ARB2A: variants seen among roughly 807,000 people sequenced by gnomAD.
ARB2A encodes ARB2 cotranscriptional regulator A.
At chr5:93,652,814 C>T in the ARB2A span, among the ~76,000 whole-genome samples, 6 of 152,116 alleles carry the variant, frequency 3.9e-5, no homozygotes, top group Non-Finnish European at 7.3e-5. Context: ...TCTCCTGGGA[C>T]AGTTTTGAGG....
chr5:93,948,039 G>A, the ARB2A span, among the ~76,000 whole-genome samples: 2 of 152,112 alleles, frequency 1.3e-5, no homozygotes, highest in African/African-American at 2.4e-5. Flanking sequence ...GTAATGGGAT[G>A]GCTGGGTCAA....
chr5:93,783,224 A>G, the ARB2A span, among the ~76,000 whole-genome samples: 1 of 152,138 alleles, frequency 6.6e-6, no homozygotes, highest in Non-Finnish European at 1.5e-5. Context: ...TAACCTTACT[A>G]TTTATATAAT....
chr5:93,818,039 A>T, the ARB2A span, among the ~76,000 whole-genome samples: 1 of 152,078 alleles, frequency 6.6e-6, no homozygotes, highest in Non-Finnish European at 1.5e-5. Context: ...ATTTGAGTAG[A>T]CATTTCTCCA....
At chr5:93,783,419 T>C in the ARB2A span, among the ~76,000 whole-genome samples, 1 of 152,166 alleles carries the variant, frequency 6.6e-6, no homozygotes, top group Non-Finnish European at 1.5e-5. Context: ...ATAATGCTAC[T>C]ATGAAATTAT....
the ARB2A span, among the ~76,000 whole-genome samples, chr5:93,772,693 G>A: frequency 1.3e-5 from 2 of 152,158 alleles, no homozygotes; most frequent in Non-Finnish European, 2.9e-5. Context: ...GAGCTCAACT[G>A]GGGGAGAATC....
the ARB2A span, among the ~76,000 whole-genome samples, chr5:93,757,943 T>C: frequency 6.6e-6 from 1 of 152,226 alleles, no homozygotes; most frequent in South Asian, 2.1e-4. Flanking sequence ...ACTTAAAAAA[T>C]ACAGAACCTC....
chr5:93,803,384 C>T, the ARB2A span, among the ~76,000 whole-genome samples: 6 of 152,020 alleles, frequency 3.9e-5, no homozygotes, highest in East Asian at 1.9e-4. Context: ...TTAATATAGG[C>T]ATAAAGTGAT....
chr5:93,902,087 T>C, the ARB2A span, among the ~76,000 whole-genome samples: 40 of 151,982 alleles, frequency 2.6e-4, no homozygotes, highest in African/African-American at 8.7e-4. Context: ...ATAAGATATA[T>C]AAGAGTCATG....
the ARB2A span, among the ~76,000 whole-genome samples, chr5:93,949,300 T>C: frequency 3.9e-5 from 6 of 152,032 alleles, no homozygotes; most frequent in South Asian, 1.0e-3. Context: ...ACTTATTGTA[T>C]GCCTGTAATC....
chr5:93,852,733 T>C, the ARB2A span, among the ~76,000 whole-genome samples: 1 of 152,220 alleles, frequency 6.6e-6, no homozygotes, highest in African/African-American at 2.4e-5. Context: ...ATTGCTTGTT[T>C]TTCTCAGGTT....
At chr5:93,794,183 G>A in the ARB2A span, among the ~76,000 whole-genome samples, 124 of 152,052 alleles carry the variant, frequency 8.2e-4, no homozygotes, top group South Asian at 4.1e-4. Context: ...AAGCTCTGAA[G>A]TTCTTTCTTC....
chr5:93,856,902 T>C, the ARB2A span, among the ~76,000 whole-genome samples: 2 of 151,994 alleles, frequency 1.3e-5, no homozygotes, highest in East Asian at 3.9e-4. Context: ...TTTTTCCCCA[T>C]CTTTGTGGTT....
chr5:93,770,797 TAA>T, the ARB2A span, among the ~76,000 whole-genome samples: 12 of 151,996 alleles, frequency 7.9e-5, no homozygotes, highest in Admixed American at 7.2e-4. Context: ...CTCAATGAAA[TAA>T]AAGAGGATAC....
the ARB2A span, among the ~76,000 whole-genome samples, chr5:93,675,999 A>G: frequency 1.3e-5 from 2 of 152,228 alleles, no homozygotes; most frequent in African/African-American, 4.8e-5. Flanking sequence ...GTTTTGGTAT[A>G]TAAAGCTTTA....
chr5:93,881,069 G>A, the ARB2A span, among the ~76,000 whole-genome samples: 2 of 151,682 alleles, frequency 1.3e-5, no homozygotes, highest in East Asian at 1.9e-4. Flanking sequence ...AGAATTGTGA[G>A]GCTACATATA....
At chr5:93,701,573 T>C in the ARB2A span, among the ~76,000 whole-genome samples, 250 of 151,788 alleles carry the variant, frequency 1.6e-3, 1 homozygote, top group Admixed American at 0.015. Context: ...AAACCAATAA[T>C]CCCTGTTTTT....
the ARB2A span, among the ~76,000 whole-genome samples, chr5:93,808,182 C>T: frequency 6.6e-6 from 1 of 151,954 alleles, no homozygotes; most frequent in Non-Finnish European, 1.5e-5. Context: ...CCCGCGAATT[C>T]TTAAAATGGG....
the ARB2A span, among the ~76,000 whole-genome samples, chr5:93,972,775 T>G: frequency 6.6e-6 from 1 of 152,106 alleles, no homozygotes; most frequent in Admixed American, 6.5e-5. Flanking sequence ...CTTCTGGTAT[T>G]GAAAAATTCA....
At chr5:93,668,506 G>C in the ARB2A span, among the ~76,000 whole-genome samples, 8 of 152,224 alleles carry the variant, frequency 5.3e-5, no homozygotes, top group East Asian at 1.5e-3. Context: ...AATGGGGATA[G>C]GGCCTTGGCT....
Sources: gnomAD v4.1 joint callset for allele counts (sites outside exome capture counted in the v4.1 genomes callset) on GRCh38, gnomAD v4.1.1 for gene constraint, MANE v1.5 for transcripts, NCBI Gene and HGNC (gene_info 2026-07-23, HGNC 2026-07-21) for gene names.